Variants in ACSS3 observed in about 807,000 individuals in gnomAD.
ACSS3 encodes the protein acyl-CoA synthetase short-chain family member 3, mitochondrial.
Under a neutral mutation model 84.2 loss-of-function variants are expected in ACSS3, and 64 were observed. The observed-to-expected ratio is 0.76, with a 90% CI of 0.62 to 0.94. ACSS3 has a LOEUF of 0.94. ACSS3 is among the 40% of genes least tolerant of loss of function. The pLI, the probability that ACSS3 is intolerant of heterozygous loss-of-function variation, is 0.00. For synonymous variants in ACSS3, 317 were observed against 310.1 expected, an observed-to-expected ratio of 1.02 and a Z score of -0.23; for missense variants, 815 against 867.6, an observed-to-expected ratio of 0.94 and a Z score of 0.76.
Position 81,257,564 on chromosome 12 carries a change from A to C in ACSS3, c.*2642A>C, listed in dbSNP as rs2034348978. The C allele has an allele frequency of 6.6e-6, 1 of 152,136 alleles. No individual in the cohort carries two copies. Among genetic ancestry groups the C allele is most frequent in the Admixed American group, 6.6e-5 (1 of 15,260 alleles). The allele number at this position is 152,136 out of a possible 1,614,324, so 9.4% of individuals were successfully genotyped here. A position where few individuals can be genotyped will look rare whatever the true frequency, so the allele number is the denominator to read the frequency against. On this transcript the variant is annotated 3_prime_UTR_variant, in exon 16 of 16. Transcript: ENST00000548058. The stretch of plus-strand genomic sequence containing the variant: ...TAAGTTATTGGAAAATGAAAATATA[A>C]AGTGCTTTCAGAAGTTATAGTATTT...
chr12:81,091,052 A>G (rs749740157), intron 1 of ACSS3, among the ~76,000 whole-genome samples: 7 of 152,028 alleles, frequency 4.6e-5, no homozygotes, highest in Non-Finnish European at 7.4e-5. Context: ...TTTAATTATT[A>G]TATTGTTATT....
intron 5 of ACSS3, among the ~76,000 whole-genome samples, chr12:81,146,866 T>A (rs7484892): frequency 0.89 from 135,369 of 152,096 alleles, 61,232 homozygotes; most frequent in Middle Eastern, 0.98. Flanking sequence ...CATGATAATA[T>A]AAAAAGGAAA....
Position 81,108,821 on chromosome 12 carries a change from T to C in ACSS3, c.312-739T>C, listed in dbSNP as rs192510867. Among the ~76,000 whole-genome samples, 632 of 152,304 alleles carry C rather than the reference T, an allele frequency of 4.1e-3. 7 individuals are homozygous for C. Among genetic ancestry groups the C allele is most frequent in the African/African-American group, 0.015 (615 of 41,578 alleles). ...TATTTTATTCTAATTCCCATTTTAC[T>C]AAAAATTTGGCATATGTAAAGCCTT... On this transcript the variant is annotated intron_variant, in intron 1 of 15. Coordinates refer to ENST00000548058, the MANE Select transcript of ACSS3 (RefSeq NM_024560.4).
At chr12:81,222,421 C>T (rs972528863) in intron 11 of ACSS3, among the ~76,000 whole-genome samples, 2 of 152,002 alleles carry the variant, frequency 1.3e-5, no homozygotes, top group African/African-American at 4.8e-5. Context: ...TCAGAAACTC[C>T]TTTTATCTAT....
At chr12:81,159,307 CAAG>C (rs1383209250) in intron 7 of ACSS3, among the ~76,000 whole-genome samples, 3 of 151,704 alleles carry the variant, frequency 2.0e-5, no homozygotes, top group Non-Finnish European at 4.4e-5. Flanking sequence ...GCTCCTATCT[CAAG>C]AACCTAGGAA....
rs1241204252 is a variant in ACSS3, at chr12:81,110,158, G to T, written c.456+454G>T. On this transcript the variant is annotated intron_variant, in intron 2 of 15. Transcript: ENST00000548058. The stretch of plus-strand genomic sequence containing the variant: ...CTTAAAAATCTATTTCTTAAAAAAT[G>T]CTGTTATTCAGAGAGTAAAATCTAG... Among the ~76,000 whole-genome samples, 3 of 152,176 alleles carry T rather than the reference G, an allele frequency of 2.0e-5. No individual in the cohort carries two copies. The East Asian group carries it at 5.8e-4, about 29-fold the overall frequency.
At chr12:81,243,625 G>A (rs978135079) in intron 13 of ACSS3, among the ~76,000 whole-genome samples, 41 of 152,304 alleles carry the variant, frequency 2.7e-4, no homozygotes, top group Non-Finnish European at 2.8e-4. Flanking sequence ...CAAGGCTACA[G>A]TAACCAAAAC....
At chr12:81,109,170 G>T (rs1883350715) in intron 1 of ACSS3, among the ~76,000 whole-genome samples, 1 of 152,120 alleles carries the variant, frequency 6.6e-6, no homozygotes, top group African/African-American at 2.4e-5. Flanking sequence ...CAAAACTTCA[G>T]TCACACATCT....
intron 1 of ACSS3, among the ~76,000 whole-genome samples, chr12:81,083,122 CT>C (rs1881091362): frequency 6.6e-6 from 1 of 152,140 alleles, no homozygotes; most frequent in Non-Finnish European, 1.5e-5. Context: ...GACCAGCTGG[CT>C]TTTAGTGGCT....
At chr12:81,244,629 C>A (rs1316460785) in intron 13 of ACSS3, among the ~76,000 whole-genome samples, 1 of 152,080 alleles carries the variant, frequency 6.6e-6, no homozygotes, top group Non-Finnish European at 1.5e-5. Context: ...CACCAAGATT[C>A]TTCTTTCACC....
At position 81,148,223 on chromosome 12, in the gene ACSS3, A is replaced by G. The variant is rs138292798; in HGVS notation, c.922-3621A>G. ...AATTCTTAATCTTACCACACACTTC[A>G]GGCTTCCCTCCTCTTCTACAACACC... On this transcript the variant is annotated intron_variant, in intron 5 of 15. Coordinates refer to ENST00000548058, the MANE Select transcript of ACSS3 (RefSeq NM_024560.4). Among the ~76,000 whole-genome samples the G allele has an allele frequency of 5.3e-3, 803 of 152,094 alleles. 7 individuals carry two copies. Among genetic ancestry groups the G allele is most frequent in the African/African-American group, 0.019 (771 of 41,494 alleles).
intron 7 of ACSS3, among the ~76,000 whole-genome samples, chr12:81,160,792 T>C (rs1182999676): frequency 2.0e-5 from 3 of 152,188 alleles, no homozygotes; most frequent in African/African-American, 7.2e-5. Flanking sequence ...TGAATACTTT[T>C]AGTGTTTGAG....
Position 81,243,306 on chromosome 12 carries a change from C to T in ACSS3, c.1719+9835C>T, listed in dbSNP as rs185070459. ...ACCTAAGAATCCAGCTTACAACGGACGTGAAGGACCTCTTCAAGGAGAACT... is the reference window on the plus strand; with the variant it reads ...ACCTAAGAATCCAGCTTACAACGGATGTGAAGGACCTCTTCAAGGAGAACT... On this transcript the variant is annotated intron_variant, in intron 13 of 15. Transcript: ENST00000548058. Among the ~76,000 whole-genome samples, 271 of 152,148 alleles carry T rather than the reference C, an allele frequency of 1.8e-3. 3 individuals carry two copies. Among genetic ancestry groups the T allele is most frequent in the African/African-American group, 5.8e-3 (241 of 41,516 alleles).
intron 1 of ACSS3, among the ~76,000 whole-genome samples, chr12:81,105,610 T>G (rs1190318938): frequency 7.9e-5 from 12 of 152,238 alleles, no homozygotes; most frequent in East Asian, 1.9e-4. Context: ...CTAGTTACTC[T>G]GTCTGGGTCC....
At chr12:81,207,720 C>T (rs766194724) in intron 9 of ACSS3, among the ~76,000 whole-genome samples, 87 of 152,052 alleles carry the variant, frequency 5.7e-4, no homozygotes, top group Non-Finnish European at 7.6e-4. Context: ...TTTTACTTTC[C>T]TTGAGTCAAC....
At chr12:81,134,726 G>T (rs1885695521) in intron 2 of ACSS3, 90 bp from the exon 3 acceptor site, 1 of 1,194,584 alleles carries the variant, frequency 8.4e-7, no homozygotes, top group East Asian at 2.8e-5. Context: ...CTACCAAGCG[G>T]GTGATCAGCT....
At chr12:81,162,640 C>G (rs1269727060) in intron 7 of ACSS3, among the ~76,000 whole-genome samples, 1 of 152,092 alleles carries the variant, frequency 6.6e-6, no homozygotes, top group African/African-American at 2.4e-5. Flanking sequence ...TCACTGGGGA[C>G]CCACCCCTTT....
intron 5 of ACSS3, among the ~76,000 whole-genome samples, chr12:81,148,696 G>A (rs1484098630): frequency 6.6e-6 from 1 of 151,924 alleles, no homozygotes; most frequent in Non-Finnish European, 1.5e-5. Context: ...CAGCATATTG[G>A]CAGGTTACAG....
intron 7 of ACSS3, among the ~76,000 whole-genome samples, chr12:81,172,488 AC>A (rs1297826077): frequency 6.6e-6 from 1 of 151,076 alleles, no homozygotes; most frequent in African/African-American, 2.4e-5. Context: ...TCGGGCATGC[AC>A]CTGTGTCTTT....
Sources: allele counts gnomAD v4.1 joint callset (sites outside exome capture counted in the v4.1 genomes callset), GRCh38; gene constraint gnomAD v4.1.1; transcripts MANE v1.5; gene names NCBI Gene and HGNC (gene_info 2026-07-23, HGNC 2026-07-21).